The following CNTLN variants were observed in gnomAD, a reference collection of about 807,000 sequenced individuals.
CNTLN encodes the protein centlein.
CNTLN carries 212 observed loss-of-function variants against 180.0 expected under a neutral mutation model. The ratio of observed to expected loss-of-function variants is 1.18; its 90% CI spans 1.05 to 1.32. The LOEUF (loss-of-function observed/expected upper bound fraction) is 1.32, where lower values mean the gene tolerates loss of function less well. Ranked by LOEUF, CNTLN falls within the 40% of genes most tolerant of loss-of-function variation. The pLI is 0.00. For missense variants in CNTLN, 2,095 were observed against 1,610.9 expected, an observed-to-expected ratio of 1.30 and a Z score of -5.14; for synonymous variants, 722 against 563.1, an observed-to-expected ratio of 1.28 and a Z score of -3.99.
the CNTLN span, among the ~76,000 whole-genome samples, chr9:17,513,782 T>A: frequency 5.3e-5 from 8 of 152,100 alleles, no homozygotes; most frequent in Non-Finnish European, 8.8e-5. Flanking sequence ...AGTGAAATTA[T>A]TTTAAAAGAA....
At chr9:17,237,759 A>G (rs977410955) in intron 5 of CNTLN, among the ~76,000 whole-genome samples, 1 of 151,938 alleles carries the variant, frequency 6.6e-6, no homozygotes, top group African/African-American at 2.4e-5. Flanking sequence ...ATGTGTGTGT[A>G]TATGCATGTG....
intron 23 of CNTLN, among the ~76,000 whole-genome samples, chr9:17,479,597 CTA>C (rs1832531222): frequency 6.6e-6 from 1 of 152,024 alleles, no homozygotes; most frequent in Non-Finnish European, 1.5e-5. Flanking sequence ...TGAATAAGCT[CTA>C]GAGATTTGTG....
chr9:17,472,017 A>T (rs1832066036), intron 23 of CNTLN, among the ~76,000 whole-genome samples: 1 of 152,124 alleles, frequency 6.6e-6, no homozygotes, highest in South Asian at 2.1e-4. Context: ...ACTATATCTG[A>T]AAGATACACT....
Position 17,301,955 on chromosome 9 carries a change from G to T in CNTLN, c.1146+3603G>T, listed in dbSNP as rs141681442. On this transcript the variant is annotated intron_variant, in intron 7 of 25. Transcript: ENST00000380647. ...TCATAACATATAACTATTTTAGATG[G>T]TCATATAATTTATTTTTCTACTGTT... 1.1e-3 allele frequency: 1,048 copies of T among 939,850 alleles called. 6 individuals carry two copies. The African/African-American group carries it at 0.017, about 15-fold the overall frequency. The allele number at this position is 939,850 out of a possible 1,614,324, so 58.2% of individuals were successfully genotyped here.
chr9:17,386,374 G>T (rs1418784076), intron 13 of CNTLN, among the ~76,000 whole-genome samples: 1 of 152,024 alleles, frequency 6.6e-6, no homozygotes, highest in East Asian at 1.9e-4. Flanking sequence ...AAATTAGAAT[G>T]AATGTTTATA....
At chr9:17,288,438 A>G (rs1376746915) in intron 6 of CNTLN, among the ~76,000 whole-genome samples, 1 of 142,512 alleles carries the variant, frequency 7.0e-6, no homozygotes, top group East Asian at 2.0e-4. Context: ...GTATGTGGTC[A>G]ATTTTGGAAT....
intron 18 of CNTLN, among the ~76,000 whole-genome samples, chr9:17,438,073 C>T (rs1211072406): frequency 6.6e-6 from 1 of 152,106 alleles, no homozygotes; most frequent in Non-Finnish European, 1.5e-5. Flanking sequence ...TCAACCCTGA[C>T]CACTTATTAT....
chr9:17,320,418 A>G (rs527864179), intron 8 of CNTLN, among the ~76,000 whole-genome samples: 2 of 151,086 alleles, frequency 1.3e-5, no homozygotes, highest in African/African-American at 4.9e-5. Flanking sequence ...GAAGATAACT[A>G]CCATGTTGGA....
At position 17,502,722 on chromosome 9, in the gene CNTLN, C is replaced by T. The variant is rs1833817640; in HGVS notation, c.*70C>T. The T allele has an allele frequency of 5.6e-6, 3 of 531,962 alleles. No homozygotes were observed. The highest frequency in any genetic ancestry group is 6.6e-6 in the Non-Finnish European group (2 of 303,744). The allele number at this position is 531,962 out of a possible 1,614,324, so 33.0% of individuals were successfully genotyped here. On this transcript the variant is annotated 3_prime_UTR_variant, in exon 26 of 26. Coordinates refer to ENST00000380647, the MANE Select transcript of CNTLN (RefSeq NM_017738.4). ...TGGTGTGATTGGAATACATGCATTG[C>T]AATCCTGACACGGTATCTGCTCCAA...
At chr9:17,195,762 C>T (rs1001187958) in intron 2 of CNTLN, among the ~76,000 whole-genome samples, 1 of 151,916 alleles carries the variant, frequency 6.6e-6, no homozygotes, top group Non-Finnish European at 1.5e-5. Flanking sequence ...CCTGACATCC[C>T]TTATTGACTA....
intron 18 of CNTLN, among the ~76,000 whole-genome samples, chr9:17,426,119 G>T (rs1367679110): frequency 1.3e-5 from 2 of 152,182 alleles, no homozygotes; most frequent in African/African-American, 4.8e-5. Flanking sequence ...GGAGCAACCA[G>T]CTGGGTCTAA....
intron 5 of CNTLN, among the ~76,000 whole-genome samples, chr9:17,259,618 G>C (rs1826794313): frequency 6.6e-6 from 1 of 150,948 alleles, no homozygotes; most frequent in South Asian, 2.1e-4. Context: ...ACTCTTTTTT[G>C]TTGGTAAGCT....
At chr9:17,381,598 T>C (rs571737134) in intron 13 of CNTLN, among the ~76,000 whole-genome samples, 8 of 152,232 alleles carry the variant, frequency 5.3e-5, no homozygotes, top group African/African-American at 1.9e-4. Flanking sequence ...CATAATTTAG[T>C]CTTTTATCAT....
In CNTLN at chr9:17,388,260, T is replaced by C; in HGVS notation, c.2079+7T>C. 1.3e-6 allele frequency: 2 copies of C among 1,585,058 alleles called. No homozygotes were observed. Among genetic ancestry groups the C allele is most frequent in the South Asian group, 2.2e-5 (2 of 90,110 alleles). ...GGAGCAGACATTACAGAAGGTAGTC[T>C]AATCTTTAAGATATTGAGCTGAGCA... On this transcript the variant is annotated splice_region_variant and intron_variant, in intron 14 of 25. Coordinates refer to ENST00000380647, the MANE Select transcript of CNTLN (RefSeq NM_017738.4).
At chr9:17,270,394 C>G (rs1013395145) in intron 5 of CNTLN, among the ~76,000 whole-genome samples, 1 of 151,982 alleles carries the variant, frequency 6.6e-6, no homozygotes, top group Non-Finnish European at 1.5e-5. Context: ...CCTTTAATCT[C>G]TTAATGTGGT....
At chr9:17,271,276 G>T (rs1172404245) in intron 5 of CNTLN, among the ~76,000 whole-genome samples, 2 of 151,970 alleles carry the variant, frequency 1.3e-5, no homozygotes, top group Non-Finnish European at 2.9e-5. Flanking sequence ...CATGATTTGT[G>T]GGGGCGCACC....
chr9:17,346,745 C>G (rs1821932961), intron 12 of CNTLN, among the ~76,000 whole-genome samples: 1 of 152,024 alleles, frequency 6.6e-6, no homozygotes, highest in Non-Finnish European at 1.5e-5. Context: ...TTCTTGAATC[C>G]CTAGGTTTGT....
intron 5 of CNTLN, among the ~76,000 whole-genome samples, chr9:17,266,931 T>C (rs1827506155): frequency 6.6e-6 from 1 of 152,144 alleles, no homozygotes; most frequent in Non-Finnish European, 1.5e-5. Flanking sequence ...CCTATGTGTG[T>C]CTCTGCACAT....
At chr9:17,194,828 G>T (rs1438442592) in intron 2 of CNTLN, among the ~76,000 whole-genome samples, 1 of 152,148 alleles carries the variant, frequency 6.6e-6, no homozygotes, top group Non-Finnish European at 1.5e-5. Context: ...AGTTTAATTG[G>T]ACTTACAGTT....
Sources: allele counts gnomAD v4.1 joint callset (sites outside exome capture counted in the v4.1 genomes callset), GRCh38; gene constraint gnomAD v4.1.1; transcripts MANE v1.5; gene names NCBI Gene and HGNC (gene_info 2026-07-23, HGNC 2026-07-21).